Variants in KAT5 observed in about 807,000 individuals in gnomAD.
KAT5 encodes the protein lysine acetyltransferase 5, also known as histone acetyltransferase KAT5.
Under a neutral mutation model 68.1 loss-of-function variants are expected in KAT5, and 31 were observed. The observed-to-expected ratio is 0.46, with a 90% CI of 0.34 to 0.61. The LOEUF (loss-of-function observed/expected upper bound fraction) is 0.61, where lower values mean the gene tolerates loss of function less well. Ranked by LOEUF, KAT5 falls within the 20% of genes least tolerant of loss-of-function variation. The pLI is 0.01. For missense variants in KAT5, 451 were observed against 725.5 expected (o/e 0.62, Z 4.35); for synonymous variants, 365 against 292.6 (o/e 1.25, Z -2.52).
At chr11:65,712,637 G>A in intron 1 of KAT5, 129 bp from the exon 2 acceptor site, 2 of 1,274,952 alleles carry the variant, frequency 1.6e-6, no homozygotes, top group Non-Finnish European at 2.2e-6. Context: ...ACTTGTGACT[G>A]AAGGAGGCTT....
At position 65,712,260 on chromosome 11, in the gene KAT5, G is replaced by A. The variant is rs375275397; in HGVS notation, c.-8G>A. Reference sequence around the variant, plus strand: ...GAGGGGCCGGAAGTGGCAGTGGAGGGAGGGAAGATGGCGGAGGTGGTGAGT... The same window carrying A: ...GAGGGGCCGGAAGTGGCAGTGGAGGAAGGGAAGATGGCGGAGGTGGTGAGT... On this transcript the variant is annotated 5_prime_UTR_variant, in exon 1 of 13. Transcript: ENST00000341318. 1.4e-6 allele frequency: 2 copies of A among 1,413,666 alleles called. No homozygotes were observed. Among genetic ancestry groups the A allele is most frequent in the Non-Finnish European group, 1.8e-6 (2 of 1,084,820 alleles). The allele number at this position is 1,413,666 out of a possible 1,614,324, so 87.6% of individuals were successfully genotyped here.
At chr11:65,712,499 C>A in intron 1 of KAT5, 54 bp downstream of exon 1, 2 of 1,541,402 alleles carry the variant, frequency 1.3e-6, no homozygotes, top group South Asian at 1.2e-5. Flanking sequence ...GGGCGGGAGT[C>A]AACTGAAATC....
At chr11:65,712,061 G>C (rs903631030), upstream of KAT5, 2 of 463,744 alleles carry the variant, frequency 4.3e-6, no homozygotes, top group East Asian at 7.1e-5. Context: ...GCACGTTATG[G>C]GGTTTCCACC....
At chr11:65,713,104 C>T (rs765060797) in intron 3 of KAT5, 46 bp downstream of exon 3, 3 of 1,609,080 alleles carry the variant, frequency 1.9e-6, no homozygotes, top group African/African-American at 1.3e-5. Flanking sequence ...CCTCCTATTT[C>T]TCTTGTCTGT....
In KAT5 at chr11:65,719,518, G is replaced by T. The variant is rs1053691962; in HGVS notation, c.*337G>T. On this transcript the variant is annotated 3_prime_UTR_variant, in exon 13 of 13. Coordinates refer to ENST00000341318, the MANE Select transcript of KAT5 (RefSeq NM_182710.3). ...TAAAAATTTCTTTTGTAAAGTAGAA[G>T]TTGGGGGTGGGGTGGGTGCTGGCTG... The T allele has an allele frequency of 3.3e-6, 2 of 613,636 alleles. No individual in the cohort carries two copies. Among genetic ancestry groups the T allele is most frequent in the Non-Finnish European group, 5.7e-6 (2 of 348,718 alleles). 38.0% of individuals were successfully genotyped at this position (613,636 alleles called of 1,614,324 possible).
Position 65,714,590 on chromosome 11 carries a change from G to A in KAT5, c.786G>A (p.Met262Ile). Residue 262 changes from methionine to isoleucine, a missense_variant, in exon 7 of 13, where the codon ATG becomes ATA. Met to Ile is a conservative substitution (Grantham distance 10). Coordinates refer to ENST00000341318, the MANE Select transcript of KAT5 (RefSeq NM_182710.3). ...GCCACGACGACATCGTCACCCGGAT[G>A]AAGAACATTGAGTGCATTGAGCTGG... ...DRSHDDIVTRMKNIECIELGR... is the reference protein window; with the variant it reads ...DRSHDDIVTRIKNIECIELGR... 1 of 1,614,206 alleles carries A rather than the reference G, an allele frequency of 6.2e-7. No individual in the cohort carries two copies. The highest frequency in any genetic ancestry group is 1.3e-5 in the African/African-American group (1 of 75,054).
intron 8 of KAT5, chr11:65,716,036 A>C (rs952037941): frequency 2.6e-5 from 4 of 152,500 alleles, no homozygotes; most frequent in East Asian, 1.9e-4. Context: ...AAAAAAAAAA[A>C]AAAAAACCCA....
Position 65,712,273 on chromosome 11 carries a change from G to C in KAT5, c.6G>C (p.Ala2=). 6 of 1,421,402 alleles carry C rather than the reference G, an allele frequency of 4.2e-6. No homozygotes were observed. Among genetic ancestry groups the C allele is most frequent in the Non-Finnish European group, 5.5e-6 (6 of 1,088,082 alleles). The allele number at this position is 1,421,402 out of a possible 1,614,324, so 88.0% of individuals were successfully genotyped here. A position where few individuals can be genotyped will look rare whatever the true frequency, so the allele number is the denominator to read the frequency against. M[A]EVVSPVPGAG... ...TGGCAGTGGAGGGAGGGAAGATGGC[G>C]GAGGTGGTGAGTCCGGTGCCCGGGG... The change falls in exon 1 of 13, where the codon GCG becomes GCC. Residue 2 remains alanine (A), a synonymous_variant. Coordinates refer to ENST00000341318, the MANE Select transcript of KAT5 (RefSeq NM_182710.3).
intron 8 of KAT5, chr11:65,715,402 C>T (rs1464893627): frequency 2.3e-5 from 4 of 171,478 alleles, no homozygotes; most frequent in Non-Finnish European, 5.1e-5. Context: ...TGTTAACCAC[C>T]ATTTTGTAAT....
At chr11:65,717,046 G>T in intron 10 of KAT5, 64 bp downstream of exon 10, 1 of 1,253,502 alleles carries the variant, frequency 8.0e-7, no homozygotes, top group Non-Finnish European at 1.2e-6. Flanking sequence ...AGGCAGATGG[G>T]CCAGGCTACT....
rs886048485 is a variant in KAT5 at position 65,718,005 on chromosome 11, G to C, written c.1265-585G>C. On this transcript the variant is annotated intron_variant, in intron 10 of 12. Coordinates refer to ENST00000341318, the MANE Select transcript of KAT5 (RefSeq NM_182710.3). ...AGCGGCCAGCTATCAGCACGAGTTG[G>C]AGGGAAAGAGCCATGGTGGGGGTCA... 2.0e-5 allele frequency: 3 copies of C among 153,706 alleles called. No individual in the cohort carries two copies. Among genetic ancestry groups the C allele is most frequent in the Non-Finnish European group, 4.3e-5 (3 of 69,232 alleles). The allele number at this position is 153,706 out of a possible 1,614,324, so 9.5% of individuals were successfully genotyped here. A position where few individuals can be genotyped will look rare whatever the true frequency, so the allele number is the denominator to read the frequency against.
chr11:65,717,666 A>G (rs1198110925), intron 10 of KAT5: 2 of 154,086 alleles, frequency 1.3e-5, no homozygotes, highest in African/African-American at 4.8e-5. Flanking sequence ...GCTTTACCTG[A>G]TCAAGGTTAT....
rs770547791 is a variant in KAT5 at position 65,713,600 on chromosome 11, A to G, written c.548A>G (p.Lys183Arg). The change falls in exon 5 of 13, where the codon AAG (lysine) becomes AGG (arginine). Residue 183 changes from lysine to arginine, a missense_variant. Physicochemically the swap from Lys to Arg is conservative, Grantham distance 26. Around this residue, in one of 4 missense-constraint regions of KAT5, gnomAD observed 135 missense variants for 173.4 expected, o/e 0.78. Transcript: ENST00000341318. The part of the protein sequence containing the change: ...LQPNHRSTKR[K>R]VEVVSPATPV... Reference sequence around the variant, plus strand: ...GTTGGTTTCTCTCTGCAGAAACGGAAGGTGGAGGTGGTTTCACCAGCAACT... The same window carrying G: ...GTTGGTTTCTCTCTGCAGAAACGGAGGGTGGAGGTGGTTTCACCAGCAACT... 1.9e-6 allele frequency: 3 copies of G among 1,614,176 alleles called. No individual in the cohort carries two copies. The South Asian group carries it at 3.3e-5, about 18-fold the overall frequency.
intron 8 of KAT5, chr11:65,716,414 G>A (rs1489241752): frequency 1.7e-5 from 9 of 526,354 alleles, no homozygotes; most frequent in South Asian, 4.7e-5. Context: ...GGAGCAAGGC[G>A]GGAAACTTGC....
At chr11:65,718,990 T>C (rs1321936603) in intron 12 of KAT5, 36 bp downstream of exon 12, 3 of 1,614,078 alleles carry the variant, frequency 1.9e-6, no homozygotes. Flanking sequence ...GTGTGTGGGA[T>C]GCAGAGTGCA....
chr11:65,718,963 G>A lies in KAT5; in HGVS notation c.1506+9G>A, dbSNP rs1857301330. The A allele has an allele frequency of 6.2e-7, 1 of 1,614,102 alleles. No homozygotes were observed. Among genetic ancestry groups the A allele is most frequent in the East Asian group, 2.2e-5 (1 of 44,886 alleles). On this transcript the variant is annotated intron_variant, in intron 12 of 12. Transcript: ENST00000341318. The stretch of plus-strand genomic sequence containing the variant: ...TCATCAACTACTACAAGGTAGGGAG[G>A]CAGGCAGGGGAGACAGGTGTGTGGG...
intron 6 of KAT5, chr11:65,714,220 C>T (rs768607019): frequency 4.8e-5 from 26 of 537,006 alleles, no homozygotes; most frequent in African/African-American, 2.1e-4. Flanking sequence ...GCTTGAACCC[C>T]GGAGGTGGAG....
chr11:65,715,733 C>A (rs996772706), intron 8 of KAT5, among the ~76,000 whole-genome samples: 3 of 151,314 alleles, frequency 2.0e-5, no homozygotes, highest in Non-Finnish European at 4.4e-5. Flanking sequence ...TGCATTCCAG[C>A]CTGGGAGACA....
rs1185817585 is a variant in KAT5 at position 65,712,921 on chromosome 11, G to C, written c.248-1G>C. On this transcript the variant is annotated splice_acceptor_variant, in intron 2 of 12. Transcript: ENST00000341318. LOFTEE classifies it high-confidence loss of function. ...GTCCTGAGCCATCCCCACTGCTACA[G>C]TCAACAAACGTCTGGATGAATGGGT... The C allele has an allele frequency of 1.9e-6, 3 of 1,614,026 alleles. No individual in the cohort carries two copies. In the Admixed American group the frequency reaches 5.0e-5, roughly 27 times the overall value.
Sources: gnomAD v4.1 joint callset for allele counts (sites outside exome capture counted in the v4.1 genomes callset) on GRCh38, gnomAD v4.1.1 for gene constraint, gnomAD v4.1.1 regional missense constraint, MANE v1.5 for transcripts, NCBI Gene and HGNC (gene_info 2026-07-23, HGNC 2026-07-21) for gene names.